Variants in CSMD1 observed in about 807,000 individuals in gnomAD.
CSMD1 encodes CUB and sushi domain-containing protein 1.
In CSMD1, 213 loss-of-function variants were observed where a neutral mutation model predicts 417.5. The observed-to-expected ratio is 0.51, with a 90% confidence interval of 0.46 to 0.57. The LOEUF (loss-of-function observed/expected upper bound fraction) is 0.57, where lower values mean the gene tolerates loss of function less well. Among genes scored for constraint, CSMD1 ranks in the 20% least tolerant of loss-of-function variants. The pLI is 0.00. For synonymous variants in CSMD1, 2,862 were observed against 1,736.8 expected (o/e 1.65, Z -16.11); for missense variants, 6,923 against 4,529.7 (o/e 1.53, Z -15.17).
intron 3 of CSMD1, among the ~76,000 whole-genome samples, chr8:4,181,371 T>A (rs3849835): frequency 0.19 from 28,165 of 149,754 alleles, 2,958 homozygotes; most frequent in Non-Finnish European, 0.23. Context: ...TTATTTATTT[T>A]TTTTTTGAAT....
At chr8:3,004,211 G>C (rs1385890787) in intron 52 of CSMD1, among the ~76,000 whole-genome samples, 1 of 152,126 alleles carries the variant, frequency 6.6e-6, no homozygotes, top group South Asian at 2.1e-4. Context: ...CCAGAGCCCA[G>C]AGGCTGTGAT....
At chr8:4,070,243 T>C (rs189833352) in intron 3 of CSMD1, among the ~76,000 whole-genome samples, 6 of 152,352 alleles carry the variant, frequency 3.9e-5, no homozygotes, top group African/African-American at 7.2e-5. Context: ...TTATCATATA[T>C]ATTACAAACA....
chr8:4,401,276 G>T (rs979096394), intron 3 of CSMD1, among the ~76,000 whole-genome samples: 8 of 152,064 alleles, frequency 5.3e-5, no homozygotes, highest in Non-Finnish European at 1.2e-4. Context: ...CTTGAAACCT[G>T]TAATCAAGTC....
At chr8:4,008,424 A>G (rs904953314) in intron 4 of CSMD1, among the ~76,000 whole-genome samples, 1 of 151,398 alleles carries the variant, frequency 6.6e-6, no homozygotes, top group African/African-American at 2.4e-5. Context: ...ATTTTTTTTT[A>G]TTTGGAATCT....
intron 51 of CSMD1, 31 bp downstream of exon 51, chr8:3,029,288 G>T: frequency 6.5e-7 from 1 of 1,527,984 alleles, no homozygotes; most frequent in South Asian, 1.3e-5. Flanking sequence ...AGGATGCCGT[G>T]ACTTTCAGGG....
chr8:4,191,704 A>G (rs1799041927), intron 3 of CSMD1, among the ~76,000 whole-genome samples: 1 of 150,120 alleles, frequency 6.7e-6, no homozygotes, highest in African/African-American at 2.5e-5. Flanking sequence ...TTTACCAAAT[A>G]TATATACTCT....
Position 3,051,998 on chromosome 8 carries a change from C to T in CSMD1, c.7660+464G>A, listed in dbSNP as rs540266729. Among the ~76,000 whole-genome samples the T allele has an allele frequency of 2.2e-3, 340 of 152,260 alleles. 1 individual carries two copies. The highest frequency in any genetic ancestry group is 3.1e-3 in the Non-Finnish European group (210 of 68,026). On this transcript the variant is annotated intron_variant, in intron 50 of 69. Transcript: ENST00000635120. ...AATTAATGCTTTATTTACTGAGCAT[C>T]GATGTGTTATGCAGAGCAGGTGATA...
chr8:4,915,594 G>A (rs1316529428), intron 1 of CSMD1, among the ~76,000 whole-genome samples: 1 of 152,188 alleles, frequency 6.6e-6, no homozygotes, highest in African/African-American at 2.4e-5. Context: ...GACAGCTGGG[G>A]GACTGTTGCA....
At chr8:3,040,587 G>C (rs527406693) in intron 50 of CSMD1, among the ~76,000 whole-genome samples, 1 of 151,646 alleles carries the variant, frequency 6.6e-6, no homozygotes, top group Admixed American at 6.6e-5. Context: ...GGTGGATCAC[G>C]AGGTCAGGAG....
chr8:3,833,979 G>T (rs529882388), intron 5 of CSMD1, among the ~76,000 whole-genome samples: 1 of 152,000 alleles, frequency 6.6e-6, no homozygotes, highest in East Asian at 1.9e-4. Flanking sequence ...TTTCCTATAC[G>T]GTTTGAACAC....
At chr8:3,202,329 C>T (rs779692889) in intron 31 of CSMD1, among the ~76,000 whole-genome samples, 2 of 152,174 alleles carry the variant, frequency 1.3e-5, no homozygotes, top group Non-Finnish European at 2.9e-5. Flanking sequence ...CACATTAATA[C>T]GTTGCCGTAT....
intron 1 of CSMD1, among the ~76,000 whole-genome samples, chr8:4,869,772 C>G (rs1396198381): frequency 1.3e-5 from 2 of 152,032 alleles, no homozygotes; most frequent in Non-Finnish European, 2.9e-5. Context: ...CAAACACATT[C>G]TACTTACACA....
chr8:4,021,749 TC>T (rs1796799918), intron 4 of CSMD1, among the ~76,000 whole-genome samples: 1 of 152,222 alleles, frequency 6.6e-6, no homozygotes, highest in East Asian at 1.9e-4. Context: ...CCCCGTCCCC[TC>T]CCCAATAATC....
intron 49 of CSMD1, among the ~76,000 whole-genome samples, chr8:3,057,774 C>T (rs988136027): frequency 2.0e-5 from 3 of 152,140 alleles, no homozygotes; most frequent in African/African-American, 2.4e-5. Flanking sequence ...TAAAGATGCC[C>T]GGACTATTGT....
chr8:3,103,401 G>A (rs1348260081), intron 46 of CSMD1, among the ~76,000 whole-genome samples: 4 of 152,108 alleles, frequency 2.6e-5, no homozygotes, highest in Admixed American at 1.3e-4. Flanking sequence ...GCCATATGGT[G>A]TAGCCTATTG....
chr8:4,434,797 G>A (rs938586564), intron 2 of CSMD1, among the ~76,000 whole-genome samples: 7 of 152,002 alleles, frequency 4.6e-5, no homozygotes, highest in Admixed American at 1.3e-4. Context: ...ACCCTGCACC[G>A]CCCATGAAGC....
intron 3 of CSMD1, among the ~76,000 whole-genome samples, chr8:4,345,278 C>G (rs951932718): frequency 2.6e-5 from 4 of 152,114 alleles, no homozygotes; most frequent in African/African-American, 4.8e-5. Context: ...CTTATGCTTT[C>G]TATGAGGATT....
At chr8:4,177,672 T>C (rs1798127932) in intron 3 of CSMD1, among the ~76,000 whole-genome samples, 2 of 141,110 alleles carry the variant, frequency 1.4e-5, no homozygotes, top group South Asian at 2.6e-4. Context: ...ACAAAATTGA[T>C]AGACCGCTAG....
intron 1 of CSMD1, among the ~76,000 whole-genome samples, chr8:4,711,220 A>C (rs1808274355): frequency 6.6e-6 from 1 of 152,060 alleles, no homozygotes; most frequent in South Asian, 2.1e-4. Context: ...TGAAGTAAAA[A>C]ATGTTAATCA....
Sources: allele counts gnomAD v4.1 joint callset (sites outside exome capture counted in the v4.1 genomes callset), GRCh38; gene constraint gnomAD v4.1.1; transcripts MANE v1.5; gene names NCBI Gene and HGNC (gene_info 2026-07-23, HGNC 2026-07-21).